Variants in KLRG1 observed in about 807,000 individuals in gnomAD.
KLRG1 encodes the protein killer cell lectin like receptor G1.
Under a neutral mutation model 21.8 loss-of-function variants are expected in KLRG1, and 16 were observed. The ratio of observed to expected loss-of-function variants is 0.73; its 90% CI spans 0.50 to 1.11. KLRG1 has a LOEUF of 1.11. KLRG1 is among the 50% of genes most tolerant of loss of function. The pLI is 0.00. For missense variants in KLRG1, 173 were observed against 218.3 expected, an observed-to-expected ratio of 0.79 and a Z score of 1.31; for synonymous variants, 69 against 75.9, an observed-to-expected ratio of 0.91 and a Z score of 0.47.
the KLRG1 span, chr12:9,168,699 C>T: frequency 1.9e-6 from 1 of 524,042 alleles, no homozygotes; most frequent in Admixed American, 3.5e-5. Context: ...AATCTCTGAT[C>T]AGTTCTAGCT....
In KLRG1 at chr12:8,972,556, A is replaced by C. The variant is rs141449848; in HGVS notation, c.-155-19650A>C. 7.2e-4 allele frequency among the ~76,000 whole-genome samples: 110 copies of C among 152,338 alleles called. 2 individuals are homozygous for C. In the East Asian group the frequency reaches 0.016, roughly 22 times the overall value. ...ATATCTGGTTTTCCCAACACCATTT[A>C]TTGAAGAAACTATTCTTTGCCTTTT... On this transcript the variant is annotated intron_variant, in intron 1 of 4. Coordinates refer to the KLRG1 transcript ENST00000539240.
chr12:9,046,543 A>G, the KLRG1 span, among the ~76,000 whole-genome samples: 1 of 152,342 alleles, frequency 6.6e-6, no homozygotes, highest in African/African-American at 2.4e-5. Context: ...AGAGCAAAGG[A>G]TGAGAATTAT....
At chr12:9,096,844 A>C in the KLRG1 span, among the ~76,000 whole-genome samples, 1 of 152,170 alleles carries the variant, frequency 6.6e-6, no homozygotes, top group Non-Finnish European at 1.5e-5. Flanking sequence ...CATGAGACAT[A>C]CATTTTTATC....
chr12:9,079,844 A>G, the KLRG1 span: 1 of 1,532,570 alleles, frequency 6.5e-7, no homozygotes, highest in African/African-American at 1.4e-5. Flanking sequence ...GGGAAGTCAT[A>G]AAGCTTGGAG....
the KLRG1 span, among the ~76,000 whole-genome samples, chr12:9,071,311 C>T: frequency 6.6e-6 from 1 of 152,068 alleles, no homozygotes; most frequent in Non-Finnish European, 1.5e-5. Flanking sequence ...TTTACTTAAA[C>T]ACTGGCTTTC....
the KLRG1 span, chr12:9,093,597 G>A: frequency 7.1e-7 from 1 of 1,418,100 alleles, no homozygotes; most frequent in Non-Finnish European, 9.6e-7. Flanking sequence ...GAGTGAGGAA[G>A]AAGACATTAC....
the KLRG1 span, among the ~76,000 whole-genome samples, chr12:9,177,567 TA>T: frequency 6.6e-6 from 1 of 152,234 alleles, no homozygotes; most frequent in African/African-American, 2.4e-5. Flanking sequence ...AGTAGATAGG[TA>T]ACGCAAACAC....
chr12:9,080,303 T>G, the KLRG1 span: 2 of 526,582 alleles, frequency 3.8e-6, no homozygotes, highest in East Asian at 6.3e-5. Context: ...TTGTCCGCCT[T>G]TAATACAACA....
the KLRG1 span, among the ~76,000 whole-genome samples, chr12:9,108,289 C>T: frequency 6.6e-6 from 1 of 152,026 alleles, no homozygotes; most frequent in East Asian, 1.9e-4. Flanking sequence ...CCATGCCTGG[C>T]TAATTTTTTG....
chr12:9,033,983 A>G, the KLRG1 span, among the ~76,000 whole-genome samples: 13 of 152,222 alleles, frequency 8.5e-5, no homozygotes, highest in Non-Finnish European at 1.8e-4. Flanking sequence ...CACCTGTATC[A>G]GGGAATGATG....
At chr12:9,107,963 C>CAAACA in the KLRG1 span, among the ~76,000 whole-genome samples, 2 of 151,472 alleles carry the variant, frequency 1.3e-5, no homozygotes, top group African/African-American at 4.9e-5. Context: ...CAAGACGAAA[C>CAAACA]AAACAAAACA....
chr12:9,030,319 C>A, the KLRG1 span, among the ~76,000 whole-genome samples: 1 of 152,244 alleles, frequency 6.6e-6, no homozygotes, highest in South Asian at 2.1e-4. Context: ...TAAAGTTTAT[C>A]ACTTTAACCA....
the KLRG1 span, among the ~76,000 whole-genome samples, chr12:9,078,724 C>T: frequency 6.6e-6 from 1 of 152,160 alleles, no homozygotes; most frequent in South Asian, 2.1e-4. Flanking sequence ...TTAGAGATTT[C>T]CTTCTGCAGA....
the KLRG1 span, among the ~76,000 whole-genome samples, chr12:9,214,652 G>GACAA: frequency 6.6e-6 from 1 of 151,900 alleles, no homozygotes; most frequent in African/African-American, 2.4e-5. Flanking sequence ...CAAAGGTTAT[G>GACAA]AGATTATTAC....
At position 9,010,247 on chromosome 12, in the gene KLRG1, T is replaced by C. The variant is rs936422886; in HGVS notation, c.*710T>C. On this transcript the variant is annotated 3_prime_UTR_variant, in exon 5 of 5. Transcript: ENST00000356986. Reference sequence around the variant, plus strand: ...TTGTGGGAAATGAGTGAGGGCAAGGTGGTACTTCCTCCTTCTGAGCTCTTC... The same window carrying C: ...TTGTGGGAAATGAGTGAGGGCAAGGCGGTACTTCCTCCTTCTGAGCTCTTC... The C allele has an allele frequency of 2.0e-6, 1 of 500,168 alleles. No homozygotes were observed. Among genetic ancestry groups the C allele is most frequent in the Admixed American group, 3.5e-5 (1 of 28,742 alleles). The allele number at this position is 500,168 out of a possible 1,614,324, so 31.0% of individuals were successfully genotyped here.
At chr12:8,985,117 T>A (rs1351926811), upstream of KLRG1, among the ~76,000 whole-genome samples, 1 of 152,192 alleles carries the variant, frequency 6.6e-6, no homozygotes, top group Non-Finnish European at 1.5e-5. Context: ...GATACCACAT[T>A]ACATCTAGTT....
At chr12:9,213,088 C>T in the KLRG1 span, among the ~76,000 whole-genome samples, 1 of 152,182 alleles carries the variant, frequency 6.6e-6, no homozygotes, top group African/African-American at 2.4e-5. Context: ...TGTGTGGCTT[C>T]TTTCACATAG....
chr12:9,181,090 G>T, the KLRG1 span: 5 of 1,614,088 alleles, frequency 3.1e-6, no homozygotes, highest in Non-Finnish European at 3.4e-6. Flanking sequence ...AGGTGGGCAT[G>T]TGAGGCTGGG....
chr12:9,154,627 A>G, the KLRG1 span: 21 of 1,614,056 alleles, frequency 1.3e-5, no homozygotes, highest in Non-Finnish European at 1.8e-5. Context: ...TGGGTGGAGG[A>G]GAAACCACCT....
Sources: allele counts gnomAD v4.1 joint callset (sites outside exome capture counted in the v4.1 genomes callset), GRCh38; gene constraint gnomAD v4.1.1; transcripts MANE v1.5; gene names NCBI Gene and HGNC (gene_info 2026-07-23, HGNC 2026-07-21).